The following SHISA9 variants were observed in gnomAD, a reference collection of about 807,000 sequenced individuals.
SHISA9 encodes the protein shisa family member 9, also known as protein shisa-9.
Under a neutral mutation model 38.0 loss-of-function variants are expected in SHISA9, and 13 were observed. That is an observed-to-expected ratio of 0.34 (90% CI 0.22 to 0.54). The LOEUF is 0.54. Among genes scored for constraint, SHISA9 ranks in the 20% least tolerant of loss-of-function variants. The pLI is 0.91. For synonymous variants in SHISA9, 275 were observed against 242.0 expected (o/e 1.14, Z -1.27); for missense variants, 538 against 575.8 (o/e 0.93, Z 0.67).
At chr16:13,510,369 C>T in the SHISA9 span, among the ~76,000 whole-genome samples, 3 of 152,154 alleles carry the variant, frequency 2.0e-5, no homozygotes, top group Non-Finnish European at 4.4e-5. Context: ...CCCAAGATCA[C>T]AAAACTTATT....
At chr16:13,518,077 T>A in the SHISA9 span, among the ~76,000 whole-genome samples, 1 of 152,154 alleles carries the variant, frequency 6.6e-6, no homozygotes, top group African/African-American at 2.4e-5. Context: ...AGTCAGGACC[T>A]GTGATATGTC....
chr16:13,482,120 C>T, the SHISA9 span, among the ~76,000 whole-genome samples: 1 of 152,298 alleles, frequency 6.6e-6, no homozygotes, highest in East Asian at 1.9e-4. Flanking sequence ...TGACTAGGTC[C>T]TCTTGCTCTC....
chr16:13,085,689 G>A, intron 2 of SHISA9, among the ~76,000 whole-genome samples: 1 of 152,166 alleles, frequency 6.6e-6, no homozygotes, highest in East Asian at 1.9e-4. Context: ...GAGAAATTCA[G>A]GTGTGATCTA....
chr16:12,940,585 A>G (rs148087755), intron 2 of SHISA9, among the ~76,000 whole-genome samples: 1 of 151,864 alleles, frequency 6.6e-6, no homozygotes, highest in Non-Finnish European at 1.5e-5. Context: ...GAAAATAAAA[A>G]CCCCTGCTTT....
the SHISA9 span, among the ~76,000 whole-genome samples, chr16:13,262,700 G>GGAAA: frequency 6.7e-6 from 1 of 150,066 alleles, no homozygotes; most frequent in Admixed American, 6.6e-5. Flanking sequence ...AAGGAAGGAA[G>GGAAA]GAAGGAAGGA....
At chr16:13,424,330 C>T in the SHISA9 span, among the ~76,000 whole-genome samples, 1 of 152,188 alleles carries the variant, frequency 6.6e-6, no homozygotes, top group Non-Finnish European at 1.5e-5. Flanking sequence ...GTGGCCAGCC[C>T]CTCTCATTTG....
intron 2 of SHISA9, among the ~76,000 whole-genome samples, chr16:12,993,552 G>A (rs1423500868): frequency 6.6e-6 from 1 of 152,170 alleles, no homozygotes. Context: ...CTTGGCATTT[G>A]TTCAACAACC....
chr16:13,325,832 T>C, the SHISA9 span, among the ~76,000 whole-genome samples: 1 of 150,626 alleles, frequency 6.6e-6, no homozygotes, highest in Non-Finnish European at 1.5e-5. Flanking sequence ...TTCTCACTCA[T>C]AAGTGGGGGT....
At chr16:13,460,920 T>A in the SHISA9 span, among the ~76,000 whole-genome samples, 18 of 152,224 alleles carry the variant, frequency 1.2e-4, no homozygotes, top group Admixed American at 2.6e-4. Flanking sequence ...CCGCTCAGTA[T>A]GGCATGAGCA....
At chr16:13,550,977 G>A in the SHISA9 span, among the ~76,000 whole-genome samples, 1 of 152,120 alleles carries the variant, frequency 6.6e-6, no homozygotes, top group Admixed American at 6.5e-5. Context: ...CAAAAAATTA[G>A]CCGGGCATGT....
chr16:13,159,186 A>G (rs2050574561), intron 2 of SHISA9, among the ~76,000 whole-genome samples: 1 of 152,238 alleles, frequency 6.6e-6, no homozygotes. Flanking sequence ...TCTGGAAAAC[A>G]AGACCTATTT....
chr16:12,917,689 A>G (rs2071276070), intron 2 of SHISA9, among the ~76,000 whole-genome samples: 1 of 152,192 alleles, frequency 6.6e-6, no homozygotes, highest in Non-Finnish European at 1.5e-5. Context: ...TAACCCCCAC[A>G]TTAAAGTAAT....
chr16:13,105,351 C>A (rs1322210860), intron 2 of SHISA9, among the ~76,000 whole-genome samples: 1 of 152,216 alleles, frequency 6.6e-6, no homozygotes, highest in Non-Finnish European at 1.5e-5. Flanking sequence ...CTGTCTACTG[C>A]ATGCTGTCCC....
the SHISA9 span, among the ~76,000 whole-genome samples, chr16:13,510,738 T>C: frequency 6.6e-6 from 1 of 152,200 alleles, no homozygotes; most frequent in Admixed American, 6.5e-5. Context: ...GAAATAATGA[T>C]AAATGACGCT....
At chr16:13,234,770 T>A (rs1207310911) in intron 4 of SHISA9, among the ~76,000 whole-genome samples, 1 of 151,806 alleles carries the variant, frequency 6.6e-6, no homozygotes, top group Non-Finnish European at 1.5e-5. Context: ...GGGGGAGAAG[T>A]GTTTATTTCG....
chr16:13,473,303 CT>C, the SHISA9 span, among the ~76,000 whole-genome samples: 1 of 135,708 alleles, frequency 7.4e-6, no homozygotes, highest in African/African-American at 2.7e-5. Flanking sequence ...GGTTTATTTT[CT>C]TTGTTCTTTT....
the SHISA9 span, among the ~76,000 whole-genome samples, chr16:13,471,252 C>T: frequency 3.1e-3 from 472 of 152,198 alleles, 4 homozygotes; most frequent in African/African-American, 0.011. Flanking sequence ...CCACAGCAGT[C>T]CTGAAATATG....
chr16:13,066,360 C>A (rs1167059250), intron 2 of SHISA9, among the ~76,000 whole-genome samples: 1 of 151,910 alleles, frequency 6.6e-6, no homozygotes, highest in South Asian at 2.1e-4. Flanking sequence ...TTTTCTTTTT[C>A]CTCTATGGCA....
chr16:13,319,632 G>C, the SHISA9 span, among the ~76,000 whole-genome samples: 1 of 151,926 alleles, frequency 6.6e-6, no homozygotes, highest in Non-Finnish European at 1.5e-5. Flanking sequence ...GAGTGTGCGT[G>C]GGGAGCAGGG....
Sources: gnomAD v4.1 joint callset for allele counts (sites outside exome capture counted in the v4.1 genomes callset) on GRCh38, gnomAD v4.1.1 for gene constraint, MANE v1.5 for transcripts, NCBI Gene and HGNC (gene_info 2026-07-23, HGNC 2026-07-21) for gene names.